Variants in OLFML2B observed in about 807,000 individuals in gnomAD.
OLFML2B encodes olfactomedin like 2B.
Under a neutral mutation model 74.9 loss-of-function variants are expected in OLFML2B, and 57 were observed. That is an observed-to-expected ratio of 0.76 (90% CI 0.61 to 0.95). The LOEUF (loss-of-function observed/expected upper bound fraction) is 0.95, where lower values mean the gene tolerates loss of function less well. OLFML2B is among the 40% of genes least tolerant of loss of function. OLFML2B has a pLI of 0.00. For missense variants in OLFML2B, 986 were observed against 970.6 expected (o/e 1.02, Z -0.21); for synonymous variants, 388 against 405.8 (o/e 0.96, Z 0.53).
chr1:161,989,131 A>G (rs1689668596), intron 6 of OLFML2B, among the ~76,000 whole-genome samples: 1 of 152,092 alleles, frequency 6.6e-6, no homozygotes, highest in African/African-American at 2.4e-5. Context: ...ATCTCTGCCC[A>G]CTTCTAACTT....
chr1:162,003,210 G>A (rs1471415135), intron 4 of OLFML2B, among the ~76,000 whole-genome samples: 1 of 152,208 alleles, frequency 6.6e-6, no homozygotes, highest in Non-Finnish European at 1.5e-5. Context: ...TCCGGGTCAT[G>A]GTCTGGCTCC....
intron 6 of OLFML2B, among the ~76,000 whole-genome samples, chr1:161,989,867 G>T (rs1307393174): frequency 6.6e-6 from 1 of 152,218 alleles, no homozygotes; most frequent in African/African-American, 2.4e-5. Context: ...CAAGGTAGGT[G>T]TGTTGCCCCA....
intron 1 of OLFML2B, among the ~76,000 whole-genome samples, chr1:162,021,240 T>C (rs1690696386): frequency 6.6e-6 from 1 of 152,042 alleles, no homozygotes; most frequent in Admixed American, 6.5e-5. Flanking sequence ...AGTCTAAGAG[T>C]TCATGCTTCT....
In OLFML2B at chr1:161,984,120, T is replaced by C; in HGVS notation, c.1808A>G (p.Asp603Gly). The change falls in exon 8 of 8, where the codon GAC becomes GGC. Residue 603 changes from aspartate to glycine, a missense_variant. Transcript: ENST00000294794. ...GGGGGTGGCCTCCTCGTAGGCCACG[T>C]CATGCAGCATGGCCCAGGCAGCCAC... ...RYVAAWAMLH[D>G]VAYEEATPWR... is the part of the protein sequence containing the mutation. 1 of 1,611,420 alleles carries C rather than the reference T, an allele frequency of 6.2e-7. No individual in the cohort carries two copies. Among genetic ancestry groups the C allele is most frequent in the Non-Finnish European group, 8.5e-7 (1 of 1,178,338 alleles).
At chr1:162,018,351 G>A (rs1216277930) in intron 2 of OLFML2B, among the ~76,000 whole-genome samples, 1 of 152,186 alleles carries the variant, frequency 6.6e-6, no homozygotes, top group Non-Finnish European at 1.5e-5. Context: ...CCCCAAGATA[G>A]CTGGCTCATA....
chr1:162,002,325 G>C (rs184407641), intron 4 of OLFML2B, among the ~76,000 whole-genome samples: 43 of 152,316 alleles, frequency 2.8e-4, no homozygotes, highest in African/African-American at 8.2e-4. Flanking sequence ...TCTCAACCAG[G>C]GGGAGGTGAG....
Position 162,005,018 on chromosome 1 carries a change from T to C in OLFML2B, c.723+1279A>G, listed in dbSNP as rs151125069. On this transcript the variant is annotated intron_variant, in intron 4 of 7. Transcript: ENST00000294794. ...TTTTATAACACTTGATCCAGACCCA[T>C]CTTGCTAATAATGTGTCTTGCTAAT... 1.1e-3 allele frequency among the ~76,000 whole-genome samples: 162 copies of C among 152,336 alleles called. 1 individual carries two copies. The highest frequency in any genetic ancestry group is 3.8e-3 in the African/African-American group (158 of 41,576).
chr1:162,023,177 A>G, intron 1 of OLFML2B, 80 bp downstream of exon 1: 1 of 1,345,194 alleles, frequency 7.4e-7, no homozygotes, highest in Non-Finnish European at 9.8e-7. Context: ...AGCTGCCCTC[A>G]AACACTTCAG....
rs759280397 is a variant in OLFML2B at position 161,983,822 on chromosome 1, G to A, written c.2106C>T (p.Thr702=). The change falls in exon 8 of 8, where the codon ACC becomes ACT. Residue 702 remains threonine, a synonymous_variant. Coordinates refer to ENST00000294794, the MANE Select transcript of OLFML2B (RefSeq NM_015441.3). ...TGGGGACGATCTGTGTGTTGGTGTG[G>A]GTGTCGAAAGCGTAGGAGATGTTGG... ...RNANISYAFD[T]HTNTQIVPRL... is the part of the protein sequence containing the mutation. 2.5e-6 allele frequency: 4 copies of A among 1,614,098 alleles called. No individual in the cohort carries two copies. In the South Asian group the frequency reaches 4.4e-5, roughly 18 times the overall value.
rs1015420265 is a variant in OLFML2B at position 162,017,560 on chromosome 1, C to T, written c.439-53G>A. 1.8e-5 allele frequency: 24 copies of T among 1,358,354 alleles called. No individual in the cohort carries two copies. The South Asian group carries it at 2.4e-4, about 13-fold the overall frequency. The allele number at this position is 1,358,354 out of a possible 1,614,324, so 84.1% of individuals were successfully genotyped here. ...AGGGCTGGGGCACACAGACACAGGG[C>T]AGAGTTTCCTTTCAGATCTGCATAC... is the stretch of plus-strand genomic sequence containing the variant. On this transcript the variant is annotated intron_variant, in intron 2 of 7. Transcript: ENST00000294794.
chr1:162,012,053 T>C lies in OLFML2B; in HGVS notation c.546+5347A>G, dbSNP rs569101690. Reference sequence around the variant, plus strand: ...TGAATTAAATAGTGTTAGGCTGAAATATATTTTAGAAACACTAACTTCGAC... The same window carrying C: ...TGAATTAAATAGTGTTAGGCTGAAACATATTTTAGAAACACTAACTTCGAC... On this transcript the variant is annotated intron_variant, in intron 3 of 7. Transcript: ENST00000294794. Among the ~76,000 whole-genome samples, 5 of 152,292 alleles carry C rather than the reference T, an allele frequency of 3.3e-5. No homozygotes were observed. In the East Asian group the frequency reaches 9.6e-4, roughly 29 times the overall value.
rs562274433 is a variant in OLFML2B, at chr1:162,023,299, A to G, written c.132T>C (p.Thr44=). Residue 44 remains threonine (T), a synonymous_variant, in exon 1 of 8, where the codon ACT becomes ACC. Transcript: ENST00000294794. ...CCTGGTTGTCCGCCTCGTTTTGCAG[A>G]GTCTCGTCCTCCGCAGGCGCCACTG... is the stretch of plus-strand genomic sequence containing the variant. ...AQTVAPAEDE[T]LQNEADNQEN... 13 of 1,583,538 alleles carry G rather than the reference A, an allele frequency of 8.2e-6. No individual in the cohort carries two copies. The highest frequency in any genetic ancestry group is 8.1e-5 in the African/African-American group (6 of 73,780).
chr1:162,000,371 G>T, intron 4 of OLFML2B, 33 bp from the exon 5 acceptor site: 1 of 1,587,648 alleles, frequency 6.3e-7, no homozygotes, highest in South Asian at 1.1e-5. Context: ...GGGAAGGTCA[G>T]GTCACTGGTC....
In OLFML2B at chr1:161,983,411, A is replaced by G; in HGVS notation, c.*264T>C. Reference sequence around the variant, plus strand: ...GGAGCTGGAGGGGCTGAAGGCTTGAAGGAAGGTGGTTACTGGTCAAAAGGA... The same window carrying G: ...GGAGCTGGAGGGGCTGAAGGCTTGAGGGAAGGTGGTTACTGGTCAAAAGGA... On this transcript the variant is annotated 3_prime_UTR_variant, in exon 8 of 8. Transcript: ENST00000294794. 3.3e-6 allele frequency: 1 copy of G among 303,044 alleles called. No individual in the cohort carries two copies. The highest frequency in any genetic ancestry group is 6.1e-6 in the Non-Finnish European group (1 of 164,278). The allele number at this position is 303,044 out of a possible 1,614,324, so 18.8% of individuals were successfully genotyped here. A position where few individuals can be genotyped will look rare whatever the true frequency, so the allele number is the denominator to read the frequency against.
intron 1 of OLFML2B, 124 bp from the exon 2 acceptor site, chr1:162,020,306 C>T (rs1690666489): frequency 8.9e-7 from 1 of 1,121,830 alleles, no homozygotes; most frequent in African/African-American, 1.6e-5. Flanking sequence ...AAACTCTGAA[C>T]CACAGAGCCA....
intron 5 of OLFML2B, among the ~76,000 whole-genome samples, chr1:161,999,597 G>A (rs1690024519): frequency 6.6e-6 from 1 of 152,118 alleles, no homozygotes; most frequent in African/African-American, 2.4e-5. Context: ...AGGAGGAGGA[G>A]GAGGCGAGGA....
At chr1:162,002,487 C>T (rs955158570) in intron 4 of OLFML2B, among the ~76,000 whole-genome samples, 1 of 152,370 alleles carries the variant, frequency 6.6e-6, no homozygotes, top group Non-Finnish European at 1.5e-5. Context: ...AGGAACCTGG[C>T]CACCACGGCC....
intron 6 of OLFML2B, among the ~76,000 whole-genome samples, chr1:161,996,811 T>C (rs1009328659): frequency 2.0e-5 from 3 of 152,230 alleles, no homozygotes; most frequent in African/African-American, 2.4e-5. Flanking sequence ...TTCTGGAACA[T>C]ACCTTGTTTT....
chr1:162,011,731 A>G (rs981866553), intron 3 of OLFML2B, among the ~76,000 whole-genome samples: 1 of 152,262 alleles, frequency 6.6e-6, no homozygotes, highest in Non-Finnish European at 1.5e-5. Context: ...TAAGAAGTCC[A>G]GGGCCTGGCA....
Sources: allele counts gnomAD v4.1 joint callset (sites outside exome capture counted in the v4.1 genomes callset), GRCh38; gene constraint gnomAD v4.1.1; transcripts MANE v1.5; gene names NCBI Gene and HGNC (gene_info 2026-07-23, HGNC 2026-07-21).